Variants in EDA observed in about 807,000 individuals in gnomAD.
The protein encoded by EDA is ectodysplasin-A.
A neutral mutation model predicts 23.6 loss-of-function variants in EDA; 2 were observed. The ratio of observed to expected loss-of-function variants is 0.08; its 90% confidence interval spans 0.03 to 0.27. The LOEUF is 0.27. EDA is among the 10% of genes least tolerant of loss of function. The probability of loss-of-function intolerance (pLI) is 1.00; values close to 1 mark genes in which losing one functional copy is unlikely to be tolerated. For synonymous variants in EDA, 131 were observed against 132.0 expected, an observed-to-expected ratio of 0.99 and a Z score of 0.05; for missense variants, 229 against 324.2, an observed-to-expected ratio of 0.71 and a Z score of 2.26.
At chrX:70,030,579 C>T in intron 6 of EDA, 59 bp downstream of exon 6, 3 of 1,039,019 alleles carry the variant, frequency 2.9e-6, no homozygotes, top group Non-Finnish European at 2.7e-6. Flanking sequence ...TCCTCCCCAG[C>T]CTCCAAATAA....
At chrX:69,649,630 A>G (rs1210224514) in intron 1 of EDA, among the ~76,000 whole-genome samples, 4 of 104,987 alleles carry the variant, frequency 3.8e-5, no homozygotes. Context: ...TCTGTCACCC[A>G]GGCTGGAGTG....
chrX:69,893,072 A>C (rs1239904918), intron 1 of EDA, among the ~76,000 whole-genome samples: 2 of 111,006 alleles, frequency 1.8e-5, no homozygotes, highest in East Asian at 5.7e-4. Flanking sequence ...AGGTTTTGGG[A>C]GGTTTGGTTC....
intron 1 of EDA, among the ~76,000 whole-genome samples, chrX:69,901,791 G>A (rs755783321): frequency 2.7e-5 from 3 of 111,713 alleles, no homozygotes; most frequent in East Asian, 5.6e-4. Flanking sequence ...CAGTTTGTGC[G>A]TAGGATCCCA....
At chrX:69,827,732 A>G (rs1203335166) in intron 1 of EDA, among the ~76,000 whole-genome samples, 2 of 111,675 alleles carry the variant, frequency 1.8e-5, no homozygotes, top group Non-Finnish European at 3.8e-5. Flanking sequence ...GCTTTGTTCC[A>G]TTGCTAGTGA....
At chrX:69,715,322 A>C (rs1183170842) in intron 1 of EDA, among the ~76,000 whole-genome samples, 4 of 110,600 alleles carry the variant, frequency 3.6e-5, no homozygotes, top group African/African-American at 1.3e-4. Flanking sequence ...GCTCCCACTT[A>C]TACGTGAGAA....
At chrX:69,681,231 C>G (rs1331563389) in intron 1 of EDA, among the ~76,000 whole-genome samples, 2 of 110,598 alleles carry the variant, frequency 1.8e-5, no homozygotes, top group East Asian at 2.8e-4. Flanking sequence ...GTAACCCGAC[C>G]TTTCTCTCTG....
chrX:69,825,647 C>T (rs1438034819), intron 1 of EDA, among the ~76,000 whole-genome samples: 1 of 113,345 alleles, frequency 8.8e-6, no homozygotes, highest in Non-Finnish European at 1.9e-5. Context: ...CTCAAAAACC[C>T]AGCTCCTGGA....
At chrX:69,774,110 G>C (rs919257453) in intron 1 of EDA, among the ~76,000 whole-genome samples, 1 of 111,824 alleles carries the variant, frequency 8.9e-6, no homozygotes, top group African/African-American at 3.3e-5. Context: ...AGTGAATTAT[G>C]AGTTTTTCCA....
intron 1 of EDA, among the ~76,000 whole-genome samples, chrX:69,792,703 G>C (rs773875581): frequency 8.9e-6 from 1 of 112,007 alleles, no homozygotes; most frequent in African/African-American, 3.2e-5. Context: ...GTTTTAATTT[G>C]CATTTCCCGG....
At chrX:70,008,529 T>C (rs2019832407) in intron 2 of EDA, among the ~76,000 whole-genome samples, 1 of 111,521 alleles carries the variant, frequency 9.0e-6, no homozygotes, top group African/African-American at 3.3e-5. Flanking sequence ...TTTAATACAT[T>C]GTTGGCTTTG....
intron 1 of EDA, among the ~76,000 whole-genome samples, chrX:69,869,004 C>G (rs1232130885): frequency 8.9e-6 from 1 of 111,896 alleles, no homozygotes; most frequent in Non-Finnish European, 1.9e-5. Flanking sequence ...CTGTGTCTTT[C>G]AAGACCTTGA....
chrX:69,784,881 G>A (rs1351029965), intron 1 of EDA, among the ~76,000 whole-genome samples: 3 of 110,716 alleles, frequency 2.7e-5, no homozygotes, highest in Admixed American at 9.6e-5. Flanking sequence ...ATTACCTTGG[G>A]CAGCATGGCC....
At position 70,038,321 on chromosome X, in the gene EDA, C is replaced by A. The variant is rs1008598012; in HGVS notation, c.*2712C>A. The A allele has an allele frequency of 9.0e-6, 1 of 111,094 alleles. No individual in the cohort carries two copies. The highest frequency in any genetic ancestry group is 3.3e-5 in the African/African-American group (1 of 30,554). The allele number at this position is 111,094 out of a possible 1,213,427, so 9.2% of individuals were successfully genotyped here. On this transcript the variant is annotated 3_prime_UTR_variant, in exon 8 of 8. Transcript: ENST00000374552. ...AGAGGGCGAGGGATGATGAGGGAAG[C>A]AATAGGTAGCTGGGGAGCCCTATTG... is the stretch of plus-strand genomic sequence containing the variant.
chrX:69,854,571 G>T (rs12390972), intron 1 of EDA, among the ~76,000 whole-genome samples: 25,773 of 110,869 alleles, frequency 0.23, 2,321 homozygotes, highest in African/African-American at 0.31. Flanking sequence ...TTGGTTTTCT[G>T]TTCCTGCATT....
At chrX:69,817,924 C>T (rs988950274) in intron 1 of EDA, among the ~76,000 whole-genome samples, 1 of 111,975 alleles carries the variant, frequency 8.9e-6, no homozygotes, top group Non-Finnish European at 1.9e-5. Context: ...AGTATACATT[C>T]TTCTCATTGC....
chrX:69,676,786 T>A (rs1286264775), intron 1 of EDA, among the ~76,000 whole-genome samples: 1 of 111,260 alleles, frequency 9.0e-6, no homozygotes, highest in Non-Finnish European at 1.9e-5. Flanking sequence ...CCCTCCATAA[T>A]ATGAGCCCAA....
At chrX:70,032,839 A>C (rs761338493) in intron 6 of EDA, among the ~76,000 whole-genome samples, 37 of 112,074 alleles carry the variant, frequency 3.3e-4, no homozygotes, top group African/African-American at 1.2e-3. Flanking sequence ...CTAATCCCTA[A>C]GGTTCTCCAG....
At chrX:69,911,152 C>G (rs1217037041) in intron 1 of EDA, among the ~76,000 whole-genome samples, 1 of 111,795 alleles carries the variant, frequency 8.9e-6, no homozygotes. Context: ...ACCCTCTCTC[C>G]CCTGCAGTGG....
intron 1 of EDA, among the ~76,000 whole-genome samples, chrX:69,748,814 A>G (rs1306877782): frequency 1.8e-5 from 2 of 111,874 alleles, no homozygotes; most frequent in Non-Finnish European, 1.9e-5. Flanking sequence ...ATGATAAAAT[A>G]TGTTGATATT....
Sources: allele counts gnomAD v4.1 joint callset (sites outside exome capture counted in the v4.1 genomes callset), GRCh38; gene constraint gnomAD v4.1.1; transcripts MANE v1.5; gene names NCBI Gene and HGNC (gene_info 2026-07-23, HGNC 2026-07-21).